ADGRA3: variants seen among roughly 807,000 people sequenced by gnomAD.
The protein encoded by ADGRA3 is G-protein coupled receptor 125.
ADGRA3 carries 56 observed loss-of-function variants against 119.8 expected under a neutral mutation model. The observed-to-expected ratio is 0.47, with a 90% confidence interval of 0.38 to 0.58. The LOEUF (loss-of-function observed/expected upper bound fraction) is 0.58. Among genes scored for constraint, ADGRA3 ranks in the 20% least tolerant of loss-of-function variants. ADGRA3 has a pLI of 0.00. For missense variants in ADGRA3, 1,516 were observed against 1,649.0 expected (o/e 0.92, Z 1.40); for synonymous variants, 607 against 623.8 (o/e 0.97, Z 0.40).
At chr4:22,406,517 T>G (rs1310059011) in intron 14 of ADGRA3, among the ~76,000 whole-genome samples, 2 of 152,278 alleles carry the variant, frequency 1.3e-5, no homozygotes, top group East Asian at 3.9e-4. Flanking sequence ...TGGGGTAAGG[T>G]ATCTTATTGT....
chr4:22,509,803 G>A (rs1488814719), intron 1 of ADGRA3, among the ~76,000 whole-genome samples: 1 of 151,926 alleles, frequency 6.6e-6, no homozygotes, highest in East Asian at 2.0e-4. Context: ...GAGGTCAGGA[G>A]ATCGAGACCA....
At chr4:22,477,150 T>G (rs1212698893) in intron 1 of ADGRA3, among the ~76,000 whole-genome samples, 1 of 152,126 alleles carries the variant, frequency 6.6e-6, no homozygotes, top group Non-Finnish European at 1.5e-5. Flanking sequence ...AATTTATGCT[T>G]TGAGATTAAA....
At chr4:22,418,900 T>G (rs1051184505) in intron 12 of ADGRA3, among the ~76,000 whole-genome samples, 3 of 152,106 alleles carry the variant, frequency 2.0e-5, no homozygotes, top group African/African-American at 7.2e-5. Flanking sequence ...CTCAGAGAAC[T>G]GGGGCAGCAG....
At chr4:22,410,275 C>T (rs185377657) in intron 14 of ADGRA3, among the ~76,000 whole-genome samples, 1 of 151,916 alleles carries the variant, frequency 6.6e-6, no homozygotes, top group Admixed American at 6.6e-5. Flanking sequence ...TAATCATAAC[C>T]CTACTTTCTA....
intron 3 of ADGRA3, among the ~76,000 whole-genome samples, chr4:22,460,412 CCT>C (rs967483207): frequency 2.0e-5 from 3 of 152,188 alleles, no homozygotes; most frequent in African/African-American, 7.2e-5. Flanking sequence ...TCCCTCCTCC[CCT>C]CTCCACCAGA....
chr4:22,514,387 G>A (rs528537130), intron 1 of ADGRA3: 1 of 152,122 alleles, frequency 6.6e-6, no homozygotes, highest in Non-Finnish European at 1.5e-5. Context: ...CAATTTTCAT[G>A]GTTAAACGTT....
chr4:22,403,859 G>C (rs1254063015), intron 14 of ADGRA3, among the ~76,000 whole-genome samples: 1 of 152,176 alleles, frequency 6.6e-6, no homozygotes, highest in African/African-American at 2.4e-5. Flanking sequence ...AACTGTATGA[G>C]GTAAGTATGT....
intron 2 of ADGRA3, among the ~76,000 whole-genome samples, chr4:22,464,095 A>G (rs1577364050): frequency 6.6e-6 from 1 of 152,136 alleles, no homozygotes; most frequent in East Asian, 1.9e-4. Flanking sequence ...TCTAAATAAA[A>G]CCAAACTCCC....
intron 1 of ADGRA3, among the ~76,000 whole-genome samples, chr4:22,500,430 C>A (rs58836068): frequency 0.062 from 9,441 of 152,116 alleles, 518 homozygotes; most frequent in African/African-American, 0.15. Flanking sequence ...TGGCACAGCA[C>A]CTAGAACACG....
At chr4:22,479,064 C>T (rs1718155066) in intron 1 of ADGRA3, among the ~76,000 whole-genome samples, 2 of 152,066 alleles carry the variant, frequency 1.3e-5, no homozygotes, top group Admixed American at 1.3e-4. Context: ...CCAATAGATG[C>T]GGCCCACAAA....
At chr4:22,506,507 C>T (rs111975066) in intron 1 of ADGRA3, among the ~76,000 whole-genome samples, 28,508 of 152,114 alleles carry the variant, frequency 0.19, 2,934 homozygotes, top group African/African-American at 0.25. Flanking sequence ...GAGCCAAGAT[C>T]GCACCACTGC....
chr4:22,497,810 T>C (rs12108612), intron 1 of ADGRA3, among the ~76,000 whole-genome samples: 4,399 of 141,616 alleles, frequency 0.031, 236 homozygotes, highest in African/African-American at 0.11. Context: ...CCGGGTGTGG[T>C]AGCTCATGCC....
In ADGRA3 at chr4:22,419,179, T is replaced by C. The variant is rs139752830; in HGVS notation, c.1809+1707A>G. ...GGGTTTAACTTCACACACCAGCATA[T>C]GCTCCCATTTAAAGGCAGTGCAATC... On this transcript the variant is annotated intron_variant, in intron 12 of 18. Coordinates refer to ENST00000334304, the MANE Select transcript of ADGRA3 (RefSeq NM_145290.4). Among the ~76,000 whole-genome samples, 3 of 151,978 alleles carry C rather than the reference T, an allele frequency of 2.0e-5. No individual in the cohort carries two copies. The East Asian group carries it at 5.8e-4, about 30-fold the overall frequency.
chr4:22,417,648 T>C (rs1011401352), intron 12 of ADGRA3, among the ~76,000 whole-genome samples: 3 of 152,314 alleles, frequency 2.0e-5, no homozygotes, highest in South Asian at 2.1e-4. Context: ...CACTGTATCA[T>C]ATGGCCTCTC....
chr4:22,451,052 T>C (rs2109086271), intron 4 of ADGRA3, among the ~76,000 whole-genome samples: 1 of 150,752 alleles, frequency 6.6e-6, no homozygotes, highest in African/African-American at 2.4e-5. Context: ...CTTCATATGA[T>C]TTTATTACTC....
At chr4:22,423,400 C>T (rs562477321) in intron 11 of ADGRA3, among the ~76,000 whole-genome samples, 2 of 152,146 alleles carry the variant, frequency 1.3e-5, no homozygotes, top group Admixed American at 1.3e-4. Context: ...TGTAAAATCA[C>T]AGGAGGAAGT....
intron 1 of ADGRA3, among the ~76,000 whole-genome samples, chr4:22,481,159 A>G (rs1438171343): frequency 2.0e-5 from 3 of 152,200 alleles, no homozygotes; most frequent in Non-Finnish European, 4.4e-5. Context: ...TTGCTACAAC[A>G]TTGTTTATCA....
chr4:22,437,059 TG>T, intron 8 of ADGRA3, among the ~76,000 whole-genome samples: 1 of 152,204 alleles, frequency 6.6e-6, no homozygotes, highest in East Asian at 1.9e-4. Context: ...TTTTTAAAAA[TG>T]TAAAGCACTC....
intron 16 of ADGRA3, among the ~76,000 whole-genome samples, chr4:22,396,132 C>T (rs919727342): frequency 1.3e-5 from 2 of 152,128 alleles, no homozygotes; most frequent in African/African-American, 4.8e-5. Context: ...AGATCCCTTC[C>T]AGACTTGAGT....
Sources: allele counts gnomAD v4.1 joint callset (sites outside exome capture counted in the v4.1 genomes callset), GRCh38; gene constraint gnomAD v4.1.1; transcripts MANE v1.5; gene names NCBI Gene and HGNC (gene_info 2026-07-23, HGNC 2026-07-21).